Variants in RASGRP4 observed in about 807,000 individuals in gnomAD.
RASGRP4 encodes RAS guanyl releasing protein 4, also known as RAS guanyl-releasing protein 4.
In RASGRP4, 52 loss-of-function variants were observed where a neutral mutation model predicts 84.4. The ratio of observed to expected loss-of-function variants is 0.62; its 90% CI spans 0.49 to 0.78. The LOEUF (loss-of-function observed/expected upper bound fraction) is 0.78, where lower values mean the gene tolerates loss of function less well. RASGRP4 is among the 30% of genes least tolerant of loss of function. The probability of loss-of-function intolerance (pLI) is 0.00; values close to 1 mark genes in which losing one functional copy is unlikely to be tolerated. For synonymous variants in RASGRP4, 356 were observed against 359.1 expected (o/e 0.99, Z 0.10); for missense variants, 760 against 886.9 (o/e 0.86, Z 1.82).
At position 38,413,546 on chromosome 19, in the gene RASGRP4, G is replaced by T; in HGVS notation, c.1231-72C>A. 2 of 1,303,230 alleles carry T rather than the reference G, an allele frequency of 1.5e-6. No homozygotes were observed. The highest frequency in any genetic ancestry group is 2.0e-5 in the Admixed American group (1 of 49,912). 80.7% of individuals were successfully genotyped at this position (1,303,230 alleles called of 1,614,324 possible). A position where few individuals can be genotyped will look rare whatever the true frequency, so the allele number is the denominator to read the frequency against. Reference sequence around the variant, plus strand: ...CCCAGACCCCCACACCCACTCGCAGGCTCTTCCCAAAGCCCCTCCTGGGTT... The same window carrying T: ...CCCAGACCCCCACACCCACTCGCAGTCTCTTCCCAAAGCCCCTCCTGGGTT... On this transcript the variant is annotated intron_variant, in intron 9 of 16. Transcript: ENST00000615439. This position sits in a 1 kb window ranked among gnomAD's most constrained non-coding sequence, Gnocchi z 4.7.
intron 13 of RASGRP4, 140 bp from the exon 14 acceptor site, chr19:38,411,521 A>G: frequency 1.2e-6 from 1 of 860,594 alleles, no homozygotes; most frequent in Middle Eastern, 3.0e-4. Context: ...GAATTAAAGG[A>G]ATGTGGGTGG....
chr19:38,418,528 C>A lies in RASGRP4; in HGVS notation c.700G>T (p.Val234Leu). 6.5e-7 allele frequency: 1 copy of A among 1,546,830 alleles called. No homozygotes were observed. Among genetic ancestry groups the A allele is most frequent in the South Asian group, 1.2e-5 (1 of 83,850 alleles). ...DLRSYVLQGSVRGCPALEGSV... is the reference protein window; with the variant it reads ...DLRSYVLQGSLRGCPALEGSV... Reference sequence around the variant, plus strand: ...CCCTCCAGGGCCGGGCAGCCTCGTACTGAGCCCTGCAAAACGTAGCTCCGC... The same window carrying A: ...CCCTCCAGGGCCGGGCAGCCTCGTAATGAGCCCTGCAAAACGTAGCTCCGC... The change falls in exon 7 of 17, where the codon GTA (valine) becomes TTA (leucine). Residue 234 changes from valine (V) to leucine (L), a missense_variant. By Grantham distance (32) the Val-to-Leu change is conservative. Coordinates refer to ENST00000615439, the MANE Select transcript of RASGRP4 (RefSeq NM_170604.3). The surrounding 1 kb of genome is among the most constrained non-coding windows in gnomAD (Gnocchi z 4.6).
rs75404833 is a variant in RASGRP4, at chr19:38,423,495, C to CA, written c.24-1343dup. ...GAGCCGGAACTGCATCACTGTGCTCCAACCTGGGTGACAGAGTGATTTCTG... is the reference window on the plus strand; with the variant it reads ...GAGCCGGAACTGCATCACTGTGCTCCAAACCTGGGTGACAGAGTGATTTCTG... On this transcript the variant is annotated intron_variant, in intron 1 of 16. Coordinates refer to ENST00000615439, the MANE Select transcript of RASGRP4 (RefSeq NM_170604.3). Among the ~76,000 whole-genome samples, 273 of 151,154 alleles carry CA rather than the reference C, an allele frequency of 1.8e-3. 6 individuals are homozygous for CA. The East Asian group carries it at 0.034, about 19-fold the overall frequency.
At chr19:38,419,268 A>T (rs879545342) in intron 6 of RASGRP4, among the ~76,000 whole-genome samples, 1 of 152,236 alleles carries the variant, frequency 6.6e-6, no homozygotes, top group Admixed American at 6.5e-5. Flanking sequence ...ACCCTGGACC[A>T]GGCACTGTTC....
rs1342234868 is a variant in RASGRP4 at position 38,412,840 on chromosome 19, G to C, written c.1536-24C>G. On this transcript the variant is annotated intron_variant, in intron 12 of 16. Coordinates refer to ENST00000615439, the MANE Select transcript of RASGRP4 (RefSeq NM_170604.3). The surrounding 1 kb of genome is among the most constrained non-coding windows in gnomAD (Gnocchi z 4.6). ...TCCTGGGGGCAGAAACTGAGCCTCA[G>C]CATGACCTGCCCCAACGTCCTCCAG... The C allele has an allele frequency of 1.2e-6, 2 of 1,610,652 alleles. No individual in the cohort carries two copies. The highest frequency in any genetic ancestry group is 2.7e-5 in the African/African-American group (2 of 74,864).
chr19:38,424,723 G>A lies in RASGRP4; in HGVS notation c.23+1346C>T, dbSNP rs556978518. On this transcript the variant is annotated intron_variant, in intron 1 of 16. Transcript: ENST00000615439. ...GCTGGGATTAGAGGCATGAGCCATC[G>A]TTACTAGAAGGGACATTTTAAAGTA... Among the ~76,000 whole-genome samples the A allele has an allele frequency of 1.1e-4, 17 of 151,886 alleles. 1 individual carries two copies. In the South Asian group the frequency reaches 2.7e-3, roughly 24 times the overall value.
intron 4 of RASGRP4, among the ~76,000 whole-genome samples, chr19:38,420,702 G>A (rs1971706207): frequency 6.8e-6 from 1 of 147,712 alleles, no homozygotes; most frequent in Non-Finnish European, 1.5e-5. Flanking sequence ...TGGTGAGGGG[G>A]GTCTCTAGGA....
chr19:38,418,324 G>T lies in RASGRP4; in HGVS notation c.837+67C>A. On this transcript the variant is annotated intron_variant, in intron 7 of 16. Coordinates refer to ENST00000615439, the MANE Select transcript of RASGRP4 (RefSeq NM_170604.3). This position sits in a 1 kb window ranked among gnomAD's most constrained non-coding sequence, Gnocchi z 4.6. ...CCGGGATGACCCTGTGGGGTCGAGG[G>T]TCTGGAAGGGGAAGGACCAGGTGGC... 6.6e-7 allele frequency: 1 copy of T among 1,506,130 alleles called. No homozygotes were observed. The highest frequency in any genetic ancestry group is 9.0e-7 in the Non-Finnish European group (1 of 1,106,870). 93.3% of individuals were successfully genotyped at this position (1,506,130 alleles called of 1,614,324 possible).
rs745979075 is a variant in RASGRP4 at position 38,418,349 on chromosome 19, CT to C, written c.837+41del. 11 of 1,571,314 alleles carry C rather than the reference CT, an allele frequency of 7.0e-6. No individual in the cohort carries two copies. Among genetic ancestry groups the C allele is most frequent in the East Asian group, 4.7e-5 (2 of 42,762 alleles). On this transcript the variant is annotated intron_variant, in intron 7 of 16. Transcript: ENST00000615439. This position sits in a 1 kb window ranked among gnomAD's most constrained non-coding sequence, Gnocchi z 4.6. ...GTCTGGAAGGGGAAGGACCAGGTGG[CT>C]GCGTGCAGTGGAGTTCGCAGCCCCA...
chr19:38,421,124 G>A lies in RASGRP4; in HGVS notation c.285C>T (p.Ser95=), dbSNP rs868864593. Residue 95 remains serine (S), a synonymous_variant, in exon 3 of 17, where the codon TCC becomes TCT. Coordinates refer to ENST00000615439, the MANE Select transcript of RASGRP4 (RefSeq NM_170604.3). ...TCAGCAGGCGGGCAGCCAGGTCGGC[G>A]GACGGCAGCACCCAGCTGTGCATGG... ...VLAMHSWVLP[S]ADLAARLLTS... The A allele has an allele frequency of 6.8e-6, 11 of 1,613,712 alleles. No homozygotes were observed. Among genetic ancestry groups the A allele is most frequent in the Middle Eastern group, 3.3e-4 (2 of 6,082 alleles).
Position 38,421,209 on chromosome 19 carries a change from G to A in RASGRP4, c.209-9C>T. 1 of 1,593,498 alleles carries A rather than the reference G, an allele frequency of 6.3e-7. No homozygotes were observed. Among genetic ancestry groups the A allele is most frequent in the Non-Finnish European group, 8.6e-7 (1 of 1,161,750 alleles). ...CAGGCTGCCAGCTGAATCTGGGGTGGAAGGAGGGGTACTCTGTGACAGAAT... is the reference window on the plus strand; with the variant it reads ...CAGGCTGCCAGCTGAATCTGGGGTGAAAGGAGGGGTACTCTGTGACAGAAT... On this transcript the variant is annotated splice_polypyrimidine_tract_variant and intron_variant, in intron 2 of 16. Coordinates refer to ENST00000615439, the MANE Select transcript of RASGRP4 (RefSeq NM_170604.3).
chr19:38,410,082 C>T lies in RASGRP4; in HGVS notation c.1980G>A (p.Val660=). The change falls in exon 17 of 17, where the codon GTG becomes GTA. Residue 660 remains valine, a synonymous_variant. Transcript: ENST00000615439. ...SWETDTVPCP[V]MDPPSTASSK... is the part of the protein sequence containing the mutation. ...AGGATGCAGTTGATGGTGGGTCCATCACCGGGCAGGGGACCTGGAAGGAGG... is the reference window on the plus strand; with the variant it reads ...AGGATGCAGTTGATGGTGGGTCCATTACCGGGCAGGGGACCTGGAAGGAGG... 1 of 1,612,136 alleles carries T rather than the reference C, an allele frequency of 6.2e-7. No homozygotes were observed. The highest frequency in any genetic ancestry group is 8.5e-7 in the Non-Finnish European group (1 of 1,179,062).
chr19:38,421,856 G>C, intron 2 of RASGRP4, 113 bp downstream of exon 2: 1 of 791,566 alleles, frequency 1.3e-6, no homozygotes, highest in South Asian at 1.7e-5. Context: ...TAGTGATTGA[G>C]TTTCATTCCA....
In RASGRP4 at chr19:38,410,161, C is replaced by T. The variant is rs373991533; in HGVS notation, c.1966-65G>A. Reference sequence around the variant, plus strand: ...TGGGGAGCATATGATGTCTAGGAGACGCTTCACTGCCAGGAACACTTCCCT... The same window carrying T: ...TGGGGAGCATATGATGTCTAGGAGATGCTTCACTGCCAGGAACACTTCCCT... On this transcript the variant is annotated intron_variant, in intron 16 of 16. Transcript: ENST00000615439. The T allele has an allele frequency of 9.3e-5, 122 of 1,313,056 alleles. 1 individual carries two copies. Among genetic ancestry groups the T allele is most frequent in the East Asian group, 7.6e-4 (32 of 42,108 alleles). 81.3% of individuals were successfully genotyped at this position (1,313,056 alleles called of 1,614,324 possible). A position where few individuals can be genotyped will look rare whatever the true frequency, so the allele number is the denominator to read the frequency against.
At chr19:38,410,123 A>G (rs1971164340) in intron 16 of RASGRP4, 27 bp from the exon 17 acceptor site, 1 of 1,587,742 alleles carries the variant, frequency 6.3e-7, no homozygotes, top group Non-Finnish European at 8.6e-7. Flanking sequence ...AGGAAGAAAG[A>G]TGACAGATGA....
Position 38,417,165 on chromosome 19 carries a change from G to A in RASGRP4, c.841C>T (p.Leu281Phe). Residue 281 changes from leucine (L) to phenylalanine (F), a missense_variant, in exon 8 of 17, where the codon CTC becomes TTC. Leu to Phe is a conservative substitution (Grantham distance 22). Transcript: ENST00000615439. This position sits in a 1 kb window ranked among gnomAD's most constrained non-coding sequence, Gnocchi z 5.1. The part of the protein sequence containing the change: ...LDKFIHVAQR[L>F]HQLQNFNTLM... The stretch of plus-strand genomic sequence containing the variant: ...GTGTTGAAATTCTGCAGCTGGTGGA[G>A]CCTCTAGGAAGAGAAGCATGCACAC... The A allele has an allele frequency of 1.9e-6, 3 of 1,553,302 alleles. No homozygotes were observed. Among genetic ancestry groups the A allele is most frequent in the Non-Finnish European group, 2.6e-6 (3 of 1,147,092 alleles).
Position 38,414,843 on chromosome 19 carries a change from C to G in RASGRP4, c.1230+5G>C. The G allele has an allele frequency of 6.3e-7, 1 of 1,580,562 alleles. No homozygotes were observed. The highest frequency in any genetic ancestry group is 8.6e-7 in the Non-Finnish European group (1 of 1,162,876). ...CCCAGCCTGGGCGGGGCCAGGGGGG[C>G]TCACCGTGAGCAGGTGCAGCAGATC... On this transcript the variant is annotated splice_donor_5th_base_variant and intron_variant, in intron 9 of 16. Coordinates refer to ENST00000615439, the MANE Select transcript of RASGRP4 (RefSeq NM_170604.3).
Position 38,422,171 on chromosome 19 carries a change from A to G in RASGRP4, c.24-18T>C, listed in dbSNP as rs190608062. The stretch of plus-strand genomic sequence containing the variant: ...GGGACTTCCTGTGGGCACAGCCCCC[A>G]AGGAGTCATGGGAGCACCTTCTTTC... On this transcript the variant is annotated intron_variant, in intron 1 of 16. Transcript: ENST00000615439. 3 of 1,596,746 alleles carry G rather than the reference A, an allele frequency of 1.9e-6. No homozygotes were observed. Among genetic ancestry groups the G allele is most frequent in the African/African-American group, 2.7e-5 (2 of 74,750 alleles).
At chr19:38,416,241 A>G (rs962108394) in intron 8 of RASGRP4, among the ~76,000 whole-genome samples, 3 of 151,466 alleles carry the variant, frequency 2.0e-5, no homozygotes, top group Non-Finnish European at 4.4e-5. Context: ...AGGTGGGTGG[A>G]TCGCCTTAGG....
Sources: allele counts gnomAD v4.1 joint callset (sites outside exome capture counted in the v4.1 genomes callset), GRCh38; gene constraint gnomAD v4.1.1; non-coding constraint Gnocchi (gnomAD v3.1); transcripts MANE v1.5; gene names NCBI Gene and HGNC (gene_info 2026-07-23, HGNC 2026-07-21).